The following NRXN1 variants were observed in gnomAD, a reference collection of about 807,000 sequenced individuals.
The protein encoded by NRXN1 is neurexin-1.
NRXN1 carries 39 observed loss-of-function variants against 150.9 expected under a neutral mutation model. The ratio of observed to expected loss-of-function variants is 0.26; its 90% CI spans 0.20 to 0.34. The LOEUF (loss-of-function observed/expected upper bound fraction) is 0.34, where lower values mean the gene tolerates loss of function less well. NRXN1 is among the 10% of genes least tolerant of loss of function. The pLI, the probability that NRXN1 is intolerant of heterozygous loss-of-function variation, is 1.00. For synonymous variants in NRXN1, 924 were observed against 757.0 expected, an observed-to-expected ratio of 1.22 and a Z score of -3.62; for missense variants, 1,815 against 1,949.9, an observed-to-expected ratio of 0.93 and a Z score of 1.30.
At chr2:50,713,417 C>T (rs1472280466) in intron 5 of NRXN1, among the ~76,000 whole-genome samples, 1 of 152,028 alleles carries the variant, frequency 6.6e-6, no homozygotes, top group African/African-American at 2.4e-5. Context: ...TTACCAGAAG[C>T]CTTTTAACGA....
rs66612444 is a variant in NRXN1, at chr2:49,920,697, CGTGTGT to C, written c.*1241_*1246del. The C allele has an allele frequency of 0.15, 21,496 of 142,678 alleles. 1,750 individuals carry two copies. The highest frequency in any genetic ancestry group is 0.19 in the South Asian group (836 of 4,352). The allele number at this position is 142,678 out of a possible 1,614,324, so 8.8% of individuals were successfully genotyped here. A position where few individuals can be genotyped will look rare whatever the true frequency, so the allele number is the denominator to read the frequency against. ...CATATCTGATGGATTGCTGTGGATT[CGTGTGT>C]GTGTGTGTGTGTGTGTGTGTGTGTG... On this transcript the variant is annotated 3_prime_UTR_variant, in exon 23 of 23. Coordinates refer to ENST00000401669, the MANE Select transcript of NRXN1 (RefSeq NM_001330078.2).
chr2:50,890,601 T>A (rs775403841), intron 5 of NRXN1, among the ~76,000 whole-genome samples: 1 of 151,900 alleles, frequency 6.6e-6, no homozygotes, highest in Non-Finnish European at 1.5e-5. Flanking sequence ...CAAATATATC[T>A]GATATTTGTC....
At chr2:50,519,929 A>G (rs10207057) in intron 12 of NRXN1, among the ~76,000 whole-genome samples, 132,097 of 151,902 alleles carry the variant, frequency 0.87, 57,799 homozygotes, top group African/African-American at 0.94. Context: ...AAGAGAAACA[A>G]TAGATTACAT....
chr2:50,868,511 T>C (rs981737033), intron 5 of NRXN1, among the ~76,000 whole-genome samples: 4 of 151,566 alleles, frequency 2.6e-5, no homozygotes, highest in Non-Finnish European at 4.4e-5. Context: ...CACTATGCAA[T>C]ATATCCCTGT....
intron 17 of NRXN1, among the ~76,000 whole-genome samples, chr2:50,386,404 C>T (rs1431738998): frequency 6.6e-6 from 1 of 151,580 alleles, no homozygotes. Context: ...TGAGATTTGG[C>T]TGCCAAAAAA....
intron 17 of NRXN1, among the ~76,000 whole-genome samples, chr2:50,300,622 A>C (rs2074057538): frequency 6.6e-6 from 1 of 152,220 alleles, no homozygotes; most frequent in Non-Finnish European, 1.5e-5. Flanking sequence ...GGATGTGAGC[A>C]GACGTGATGA....
At chr2:50,426,522 C>T (rs1230002622) in intron 17 of NRXN1, among the ~76,000 whole-genome samples, 1 of 152,184 alleles carries the variant, frequency 6.6e-6, no homozygotes, top group Non-Finnish European at 1.5e-5. Flanking sequence ...TTTCTACATT[C>T]ACACCTCCCA....
intron 5 of NRXN1, among the ~76,000 whole-genome samples, chr2:50,760,556 T>A (rs1419114781): frequency 6.6e-6 from 1 of 151,872 alleles, no homozygotes. Context: ...ATATCGCCTT[T>A]TCTACTGCCA....
At chr2:50,563,299 G>A (rs1333853980) in intron 8 of NRXN1, among the ~76,000 whole-genome samples, 1 of 152,186 alleles carries the variant, frequency 6.6e-6, no homozygotes, top group Non-Finnish European at 1.5e-5. Context: ...AAATGAGTTT[G>A]ACAATTTTAT....
chr2:50,718,258 A>G (rs1432042611), intron 5 of NRXN1, among the ~76,000 whole-genome samples: 1 of 152,168 alleles, frequency 6.6e-6, no homozygotes, highest in Non-Finnish European at 1.5e-5. Flanking sequence ...ATGTTGTTAT[A>G]TAAATCTTGG....
chr2:50,925,847 C>T lies in NRXN1; in HGVS notation c.790+91G>A, dbSNP rs1686785514. On this transcript the variant is annotated intron_variant, in intron 3 of 22. Transcript: ENST00000401669. Reference sequence around the variant, plus strand: ...ACCAACAAATGTTCAGAAAGAAGTTCAACTTACCATCTAACTTCAAGATGT... The same window carrying T: ...ACCAACAAATGTTCAGAAAGAAGTTTAACTTACCATCTAACTTCAAGATGT... 11 of 991,778 alleles carry T rather than the reference C, an allele frequency of 1.1e-5. No homozygotes were observed. In the South Asian group the frequency reaches 1.5e-4, roughly 14 times the overall value. The allele number at this position is 991,778 out of a possible 1,614,324, so 61.4% of individuals were successfully genotyped here.
At chr2:50,436,997 T>C (rs1304694627) in intron 17 of NRXN1, among the ~76,000 whole-genome samples, 1 of 152,176 alleles carries the variant, frequency 6.6e-6, no homozygotes, top group African/African-American at 2.4e-5. Flanking sequence ...AATTATTTAC[T>C]GCAGGTAGGA....
chr2:50,524,850 C>CA (rs921694643), intron 12 of NRXN1, among the ~76,000 whole-genome samples: 10 of 151,974 alleles, frequency 6.6e-5, no homozygotes, highest in Middle Eastern at 3.4e-3. Flanking sequence ...CAGTACATCA[C>CA]AAAAAAGGCC....
At chr2:50,133,815 T>A (rs560302444) in intron 18 of NRXN1, among the ~76,000 whole-genome samples, 2 of 152,304 alleles carry the variant, frequency 1.3e-5, no homozygotes, top group South Asian at 4.1e-4. Flanking sequence ...CCATGAGGAA[T>A]TATTTTATGA....
intron 18 of NRXN1, among the ~76,000 whole-genome samples, chr2:50,214,827 G>C (rs983027318): frequency 1.3e-5 from 2 of 151,904 alleles, no homozygotes; most frequent in African/African-American, 4.8e-5. Flanking sequence ...ATGTTTCAAA[G>C]TACATTCACA....
At chr2:50,658,262 G>C (rs1225884707) in intron 5 of NRXN1, among the ~76,000 whole-genome samples, 2 of 151,882 alleles carry the variant, frequency 1.3e-5, no homozygotes, top group Admixed American at 1.3e-4. Context: ...CGCTAGCTGA[G>C]GTAAAAGCAG....
At chr2:50,236,068 C>T (rs2065388448) in intron 18 of NRXN1, among the ~76,000 whole-genome samples, 1 of 151,810 alleles carries the variant, frequency 6.6e-6, no homozygotes, top group African/African-American at 2.4e-5. Flanking sequence ...AATAAGTGCC[C>T]CTGAACCCTA....
intron 5 of NRXN1, among the ~76,000 whole-genome samples, chr2:50,840,421 C>A (rs185639357): frequency 6.6e-6 from 1 of 152,152 alleles, no homozygotes; most frequent in East Asian, 1.9e-4. Context: ...TTAGTATCCC[C>A]CTTGTCTTTC....
At chr2:50,844,531 G>C (rs538180664) in intron 5 of NRXN1, among the ~76,000 whole-genome samples, 10 of 152,240 alleles carry the variant, frequency 6.6e-5, no homozygotes, top group Non-Finnish European at 1.3e-4. Flanking sequence ...TCAATATTTC[G>C]TATAGGTGGT....
Sources: allele counts gnomAD v4.1 joint callset (sites outside exome capture counted in the v4.1 genomes callset), GRCh38; gene constraint gnomAD v4.1.1; transcripts MANE v1.5; gene names NCBI Gene and HGNC (gene_info 2026-07-23, HGNC 2026-07-21).